The following ECE2 variants were observed in gnomAD, a reference collection of about 807,000 sequenced individuals.
ECE2 encodes endothelin converting enzyme 2.
ECE2 carries 81 observed loss-of-function variants against 100.6 expected under a neutral mutation model. That is an observed-to-expected ratio of 0.81 (90% CI 0.67 to 0.97). The LOEUF (loss-of-function observed/expected upper bound fraction) is 0.97. Among genes scored for constraint, ECE2 ranks in the 50% least tolerant of loss-of-function variants. ECE2 has a pLI of 0.00. For synonymous variants in ECE2, 391 were observed against 391.5 expected (o/e 1.00, Z 0.02); for missense variants, 911 against 988.1 (o/e 0.92, Z 1.05).
rs1340002834 is a variant in ECE2, at chr3:184,291,332, T to C, written c.2026-12T>C. On this transcript the variant is annotated splice_polypyrimidine_tract_variant and intron_variant, in intron 17 of 18. Transcript: ENST00000404464. This position sits in a 1 kb window ranked among gnomAD's most constrained non-coding sequence, Gnocchi z 4.1. The stretch of plus-strand genomic sequence containing the variant: ...GCCTGGATGGGCTTGTTGCCCACTG[T>C]TCTGTCCCCAGGCTTACAAAGCATG... 5 of 1,601,526 alleles carry C rather than the reference T, an allele frequency of 3.1e-6. No individual in the cohort carries two copies. In the South Asian group the frequency reaches 5.6e-5, roughly 18 times the overall value.
rs1186615402 is a variant in ECE2, at chr3:184,289,361, G to A, written c.1375-76G>A. 9 of 1,364,164 alleles carry A rather than the reference G, an allele frequency of 6.6e-6. No homozygotes were observed. The East Asian group carries it at 2.2e-4, about 34-fold the overall frequency. The allele number at this position is 1,364,164 out of a possible 1,614,324, so 84.5% of individuals were successfully genotyped here. ...CATTTCCCCTGGGTGGACAGGGATG[G>A]GGCACCAAGGGTGGATGGGTGGGGC... On this transcript the variant is annotated intron_variant, in intron 11 of 18. Coordinates refer to ENST00000404464, the MANE Select transcript of ECE2 (RefSeq NM_001100121.2). The surrounding 1 kb of genome is among the most constrained non-coding windows in gnomAD (Gnocchi z 4.1).
At chr3:184,280,839 C>T (rs533023429) in intron 7 of ECE2, among the ~76,000 whole-genome samples, 16 of 152,024 alleles carry the variant, frequency 1.1e-4, no homozygotes, top group African/African-American at 3.4e-4. Context: ...ATTAGCCCGA[C>T]GTGGTGGCGG....
At position 184,285,553 on chromosome 3, in the gene ECE2, A is replaced by G; in HGVS notation, c.1224A>G (p.Ala408=). 1.2e-6 allele frequency: 2 copies of G among 1,614,180 alleles called. No individual in the cohort carries two copies. The highest frequency in any genetic ancestry group is 1.1e-5 in the South Asian group (1 of 91,082). ...GCCTGGACCGACGCTTTGAGTCTGC[A>G]CAAGAGAAGCTGCTGGAGACCCTCT... ...TSSLDRRFES[A]QEKLLETLYG... Residue 408 remains alanine (A), a synonymous_variant, in exon 10 of 19, where the codon GCA becomes GCG. Coordinates refer to ENST00000404464, the MANE Select transcript of ECE2 (RefSeq NM_001100121.2).
intron 4 of ECE2, 44 bp from the exon 5 acceptor site, chr3:184,277,881 C>T (rs1257810796): frequency 8.1e-6 from 13 of 1,603,080 alleles, no homozygotes; most frequent in African/African-American, 1.3e-5. Flanking sequence ...TCCCCCTCAG[C>T]AGTTAACGTA....
At chr3:184,286,538 C>T (rs556109462) in intron 10 of ECE2, among the ~76,000 whole-genome samples, 36 of 152,226 alleles carry the variant, frequency 2.4e-4, no homozygotes, top group African/African-American at 7.9e-4. Flanking sequence ...CTTGGTGGCT[C>T]ATGCCTGTAA....
At chr3:184,290,704 T>G (rs1721271149) in intron 15 of ECE2, 37 bp downstream of exon 15, 1 of 1,612,778 alleles carries the variant, frequency 6.2e-7, no homozygotes, top group African/African-American at 1.3e-5. Context: ...TGCTGGGGCC[T>G]GGGCCTGTGG....
Position 184,290,322 on chromosome 3 carries a change from TG to T in ECE2, c.1621del (p.Ala541LeufsTer15), listed in dbSNP as rs1317160495. On this transcript the variant is annotated frameshift_variant, in exon 14 of 19. Coordinates refer to ENST00000404464, the MANE Select transcript of ECE2 (RefSeq NM_001100121.2). LOFTEE classifies it high-confidence loss of function. The stretch of plus-strand genomic sequence containing the variant: ...TTGTACAACTTCTCTGCCAAGGTTA[TG>T]GCTGACCAGCTCCGCAAGCCTCCCA... ...LNLYNFSAKVMADQLRKPPSR... is the reference protein window; with the variant it reads ...LNLYNFSAKVXADQLRKPPSR... 6.2e-7 allele frequency: 1 copy of T among 1,614,122 alleles called. No homozygotes were observed. Among genetic ancestry groups the T allele is most frequent in the South Asian group, 1.1e-5 (1 of 91,086 alleles).
chr3:184,276,393 G>T, intron 1 of ECE2, 88 bp from the exon 2 acceptor site: 1 of 1,510,366 alleles, frequency 6.6e-7, no homozygotes, highest in South Asian at 1.2e-5. Flanking sequence ...GGGCGGAGGG[G>T]TCCGCGAGGC....
chr3:184,276,416 G>A (rs1222794759), intron 1 of ECE2, 65 bp from the exon 2 acceptor site: 14 of 1,553,616 alleles, frequency 9.0e-6, no homozygotes, highest in Non-Finnish European at 1.2e-5. Flanking sequence ...GGAGCACTGG[G>A]GCAGGGTCGT....
chr3:184,285,059 G>C lies in ECE2; in HGVS notation c.1102G>C (p.Asp368His), dbSNP rs1377589184. Residue 368 changes from aspartate (D) to histidine (H), a missense_variant, in exon 9 of 19, where the codon GAT becomes CAT. Transcript: ENST00000404464. ...TGAGCCTGTGGTGGTGTATGGGATG[G>C]ATTATTTGCAGCAGGTGTCAGAGCT... ...DSEPVVVYGM[D>H]YLQQVSELIN... The C allele has an allele frequency of 1.9e-6, 3 of 1,614,216 alleles. 1 individual carries two copies. Among genetic ancestry groups the C allele is most frequent in the Non-Finnish European group, 8.5e-7 (1 of 1,180,036 alleles).
Position 184,289,016 on chromosome 3 carries a change from A to T in ECE2, c.1375-421A>T, listed in dbSNP as rs1721187241. 1.3e-5 allele frequency among the ~76,000 whole-genome samples: 2 copies of T among 152,000 alleles called. No individual in the cohort carries two copies. Among genetic ancestry groups the T allele is most frequent in the African/African-American group, 4.8e-5 (2 of 41,368 alleles). ...CTAAAAATACAAAAATTACCCGGGC[A>T]TGATGGCGGGAGCCTGTAATCCTAG... On this transcript the variant is annotated intron_variant, in intron 11 of 18. Coordinates refer to ENST00000404464, the MANE Select transcript of ECE2 (RefSeq NM_001100121.2). This position sits in a 1 kb window ranked among gnomAD's most constrained non-coding sequence, Gnocchi z 4.1.
At chr3:184,281,844 G>GC (rs1483054844) in intron 7 of ECE2, among the ~76,000 whole-genome samples, 3 of 152,194 alleles carry the variant, frequency 2.0e-5, no homozygotes, top group South Asian at 2.1e-4. Flanking sequence ...CACGCCTGTG[G>GC]CCCCAGCACT....
chr3:184,291,638 A>C lies in ECE2; in HGVS notation c.2121+199A>C, dbSNP rs1577149219. On this transcript the variant is annotated intron_variant, in intron 18 of 18. Transcript: ENST00000404464. The surrounding 1 kb of genome is among the most constrained non-coding windows in gnomAD (Gnocchi z 4.1). ...CACAAAGGCAGCCTGAAGAGGCCTGAGCGGGAGAATGCCTTGGTAGGATTT... is the reference window on the plus strand; with the variant it reads ...CACAAAGGCAGCCTGAAGAGGCCTGCGCGGGAGAATGCCTTGGTAGGATTT... 3.6e-6 allele frequency: 2 copies of C among 548,244 alleles called. No individual in the cohort carries two copies. Among genetic ancestry groups the C allele is most frequent in the South Asian group, 6.2e-5 (2 of 32,180 alleles). The allele number at this position is 548,244 out of a possible 1,614,324, so 34.0% of individuals were successfully genotyped here.
chr3:184,290,327 G>A lies in ECE2; in HGVS notation c.1624G>A (p.Asp542Asn). The change falls in exon 14 of 19, where the codon GAC (aspartate) becomes AAC (asparagine). Residue 542 changes from aspartate to asparagine, a missense_variant. Asp to Asn is a conservative substitution (Grantham distance 23). Transcript: ENST00000404464. ...CAACTTCTCTGCCAAGGTTATGGCT[G>A]ACCAGCTCCGCAAGCCTCCCAGCCG... is the stretch of plus-strand genomic sequence containing the variant. ...LYNFSAKVMA[D>N]QLRKPPSRDQ... 1 of 1,613,996 alleles carries A rather than the reference G, an allele frequency of 6.2e-7. No individual in the cohort carries two copies. The highest frequency in any genetic ancestry group is 1.1e-5 in the South Asian group (1 of 91,060).
At position 184,290,328 on chromosome 3, in the gene ECE2, A is replaced by G; in HGVS notation, c.1625A>G (p.Asp542Gly). The G allele has an allele frequency of 1.2e-6, 2 of 1,613,956 alleles. No individual in the cohort carries two copies. The highest frequency in any genetic ancestry group is 1.7e-6 in the Non-Finnish European group (2 of 1,179,990). Residue 542 changes from aspartate to glycine, a missense_variant, in exon 14 of 19, where the codon GAC (aspartate) becomes GGC (glycine). By Grantham distance (94) the Asp-to-Gly change is moderately conservative. Coordinates refer to ENST00000404464, the MANE Select transcript of ECE2 (RefSeq NM_001100121.2). ...LYNFSAKVMA[D>G]QLRKPPSRDQ... ...AACTTCTCTGCCAAGGTTATGGCTG[A>G]CCAGCTCCGCAAGCCTCCCAGCCGA...
At chr3:184,283,126 C>A (rs115333126) in intron 7 of ECE2, among the ~76,000 whole-genome samples, 2,978 of 152,278 alleles carry the variant, frequency 0.02, 98 homozygotes, top group African/African-American at 0.068. Flanking sequence ...GTAGGCCCAT[C>A]TGCTGGACAG....
chr3:184,278,929 T>C (rs1720695814), intron 7 of ECE2: 2 of 228,232 alleles, frequency 8.8e-6, no homozygotes, highest in Non-Finnish European at 1.7e-5. Flanking sequence ...AGGAGAGACT[T>C]AGGGAGCCAG....
chr3:184,276,700 A>C, intron 2 of ECE2, 133 bp downstream of exon 2: 1 of 1,543,674 alleles, frequency 6.5e-7, no homozygotes, highest in Non-Finnish European at 8.7e-7. Context: ...CTGCTCTAGG[A>C]CTATGGTGAG....
At chr3:184,285,283 ATC>A (rs747757811) in intron 9 of ECE2, among the ~76,000 whole-genome samples, 178 bp downstream of exon 9, 2 of 152,054 alleles carry the variant, frequency 1.3e-5, no homozygotes, top group Non-Finnish European at 2.9e-5. Flanking sequence ...GCTCCCTGTG[ATC>A]TCTGTCCCCC....
Sources: allele counts gnomAD v4.1 joint callset (sites outside exome capture counted in the v4.1 genomes callset), GRCh38; gene constraint gnomAD v4.1.1; non-coding constraint Gnocchi (gnomAD v3.1); transcripts MANE v1.5; gene names NCBI Gene and HGNC (gene_info 2026-07-23, HGNC 2026-07-21).